ABCB11: variants seen among roughly 807,000 people sequenced by gnomAD.
The protein encoded by ABCB11 is ATP binding cassette subfamily B member 11, also known as bile salt export pump.
In ABCB11, 95 loss-of-function variants were observed where a neutral mutation model predicts 148.0. The ratio of observed to expected loss-of-function variants is 0.64; its 90% CI spans 0.54 to 0.76. The LOEUF (loss-of-function observed/expected upper bound fraction) is 0.76. Among genes scored for constraint, ABCB11 ranks in the 30% least tolerant of loss-of-function variants. The probability of loss-of-function intolerance (pLI) is 0.00; values close to 1 mark genes in which losing one functional copy is unlikely to be tolerated. For synonymous variants in ABCB11, 591 were observed against 555.4 expected (o/e 1.06, Z -0.90); for missense variants, 1,523 against 1,617.8 (o/e 0.94, Z 1.01).
downstream of ABCB11, among the ~76,000 whole-genome samples, chr2:168,918,548 G>A (rs1455650835): frequency 6.6e-6 from 1 of 152,176 alleles, no homozygotes; most frequent in Non-Finnish European, 1.5e-5. Context: ...TTGATGATCA[G>A]AAATGGTTTT....
chr2:168,968,433 C>T lies in ABCB11; in HGVS notation c.2069G>A (p.Ser690Asn). 2 of 1,610,686 alleles carry T rather than the reference C, an allele frequency of 1.2e-6. No individual in the cohort carries two copies. Among genetic ancestry groups the T allele is most frequent in the Non-Finnish European group, 1.7e-6 (2 of 1,178,252 alleles). The change falls in exon 17 of 28, where the codon AGT becomes AAT. Residue 690 changes from serine (S) to asparagine (N), a missense_variant. By Grantham distance (46) the Ser-to-Asn change is conservative. Coordinates refer to ENST00000650372, the MANE Select transcript of ABCB11 (RefSeq NM_003742.4). Reference protein sequence around the residue: ...RTFSRGSYQDSLRASIRQRSK... With the variant: ...RTFSRGSYQDNLRASIRQRSK... Reference sequence around the variant, plus strand: ...CCCCATGGCTTGAGCTTACCTTAAACTATCCTGGTAGCTCCCTCTGCTAAA... The same window carrying T: ...CCCCATGGCTTGAGCTTACCTTAAATTATCCTGGTAGCTCCCTCTGCTAAA...
At chr2:168,916,578 TTTAAA>T (rs1362512792), downstream of ABCB11, among the ~76,000 whole-genome samples, 8 of 152,368 alleles carry the variant, frequency 5.3e-5, no homozygotes, top group South Asian at 1.7e-3. Flanking sequence ...CAGTCTGCTA[TTTAAA>T]TTAATTGGGC....
chr2:168,920,595 T>G (rs1313317826), downstream of ABCB11, among the ~76,000 whole-genome samples: 2 of 151,808 alleles, frequency 1.3e-5, no homozygotes, highest in East Asian at 3.9e-4. Flanking sequence ...ATAAGGAGAG[T>G]CTGGTCACAA....
chr2:168,973,662 C>A, intron 13 of ABCB11, 53 bp downstream of exon 13: 1 of 1,594,606 alleles, frequency 6.3e-7, no homozygotes, highest in Non-Finnish European at 8.6e-7. Context: ...CAATATACTG[C>A]CATTTGCACT....
At chr2:168,917,561 C>A (rs563694), downstream of ABCB11, among the ~76,000 whole-genome samples, 114,608 of 152,158 alleles carry the variant, frequency 0.75, 44,093 homozygotes, top group East Asian at 0.96. Flanking sequence ...TGATGTAAAG[C>A]ATTTTAACCA....
intron 9 of ABCB11, among the ~76,000 whole-genome samples, chr2:168,987,008 T>C (rs1269659591): frequency 6.6e-6 from 1 of 152,164 alleles, no homozygotes; most frequent in East Asian, 1.9e-4. Context: ...TTTGTTACCA[T>C]TTTTAAAACA....
intron 19 of ABCB11, among the ~76,000 whole-genome samples, chr2:168,956,597 G>T (rs988064093): frequency 2.6e-5 from 4 of 151,580 alleles, no homozygotes; most frequent in African/African-American, 9.7e-5. Flanking sequence ...CAACAGCATG[G>T]CAGGGATCCT....
At chr2:168,956,991 T>C (rs979458915) in intron 19 of ABCB11, among the ~76,000 whole-genome samples, 16 of 151,698 alleles carry the variant, frequency 1.1e-4, no homozygotes, top group African/African-American at 3.6e-4. Context: ...TTTCTGGTGC[T>C]TCCCATCCCT....
chr2:168,993,949 TCA>T, intron 7 of ABCB11, 67 bp from the exon 8 acceptor site: 2 of 1,330,188 alleles, frequency 1.5e-6, no homozygotes, highest in Non-Finnish European at 2.1e-6. Flanking sequence ...GCTGAAAGTC[TCA>T]GTCTTTCCCT....
intron 22 of ABCB11, 28 bp downstream of exon 22, chr2:168,936,202 A>G: frequency 5.0e-6 from 8 of 1,603,858 alleles, no homozygotes; most frequent in Non-Finnish European, 5.1e-6. Context: ...AGCCATGAGG[A>G]ATGGGAAAAT....
Position 168,922,740 on chromosome 2 carries a change from C to T in ABCB11, c.*882G>A, listed in dbSNP as rs924144816. 1.3e-5 allele frequency among the ~76,000 whole-genome samples: 2 copies of T among 152,258 alleles called. No homozygotes were observed. Among genetic ancestry groups the T allele is most frequent in the Non-Finnish European group, 2.9e-5 (2 of 68,014 alleles). On this transcript the variant is annotated 3_prime_UTR_variant, in exon 28 of 28. Coordinates refer to ENST00000650372, the MANE Select transcript of ABCB11 (RefSeq NM_003742.4). Reference sequence around the variant, plus strand: ...TTGAGGGAGCAGGGGCAAATGAGTGCTTTTCTGCCATATTTACTTGCTTTT... The same window carrying T: ...TTGAGGGAGCAGGGGCAAATGAGTGTTTTTCTGCCATATTTACTTGCTTTT...
intron 19 of ABCB11, among the ~76,000 whole-genome samples, chr2:168,945,882 A>G (rs1324957252): frequency 6.6e-6 from 1 of 151,926 alleles, no homozygotes; most frequent in Non-Finnish European, 1.5e-5. Flanking sequence ...AGAGAAAAAA[A>G]TTTCATTCAT....
rs75326891 is a variant in ABCB11 at position 169,026,249 on chromosome 2, T to C, written c.-28+4976A>G. Among the ~76,000 whole-genome samples, 1,181 of 152,324 alleles carry C rather than the reference T, an allele frequency of 7.8e-3. 18 individuals carry two copies. The highest frequency in any genetic ancestry group is 0.027 in the African/African-American group (1,112 of 41,560). On this transcript the variant is annotated intron_variant, in intron 1 of 27. Coordinates refer to ENST00000650372, the MANE Select transcript of ABCB11 (RefSeq NM_003742.4). ...AGGGTGTTCTTTTGTTTGTTTTCTTTGTTTGTTTTCTTTCTCAGCATCAAG... is the reference window on the plus strand; with the variant it reads ...AGGGTGTTCTTTTGTTTGTTTTCTTCGTTTGTTTTCTTTCTCAGCATCAAG...
intron 5 of ABCB11, among the ~76,000 whole-genome samples, chr2:169,005,122 T>C (rs1362225411): frequency 2.6e-5 from 4 of 152,008 alleles, no homozygotes; most frequent in African/African-American, 9.7e-5. Flanking sequence ...GGTTTTATGT[T>C]GGTTGGCCTC....
At chr2:168,990,604 A>T (rs1272642138) in intron 9 of ABCB11, among the ~76,000 whole-genome samples, 197 bp downstream of exon 9, 1 of 152,134 alleles carries the variant, frequency 6.6e-6, no homozygotes, top group African/African-American at 2.4e-5. Context: ...CTTTAAAAAC[A>T]TACTGCTAAA....
At chr2:168,917,717 C>T (rs1434044873), downstream of ABCB11, among the ~76,000 whole-genome samples, 1 of 152,126 alleles carries the variant, frequency 6.6e-6, no homozygotes, top group Non-Finnish European at 1.5e-5. Flanking sequence ...GGACACATTC[C>T]AATGGAGAAG....
intron 15 of ABCB11, among the ~76,000 whole-genome samples, 179 bp downstream of exon 15, chr2:168,969,866 C>G (rs773302176): frequency 6.6e-6 from 1 of 152,046 alleles, no homozygotes; most frequent in Non-Finnish European, 1.5e-5. Context: ...CAACTTTCTT[C>G]TGTTCAACTG....
intron 1 of ABCB11, among the ~76,000 whole-genome samples, chr2:169,027,399 G>A (rs1052482407): frequency 3.3e-5 from 5 of 152,144 alleles, no homozygotes; most frequent in African/African-American, 4.8e-5. Context: ...CACTATATGC[G>A]CTTCTGTTTA....
At chr2:168,991,483 G>A (rs1198506341) in intron 8 of ABCB11, among the ~76,000 whole-genome samples, 3 of 152,014 alleles carry the variant, frequency 2.0e-5, no homozygotes, top group African/African-American at 7.2e-5. Flanking sequence ...GTACTTAACA[G>A]TAGACACATT....
Sources: gnomAD v4.1 joint callset for allele counts (sites outside exome capture counted in the v4.1 genomes callset) on GRCh38, gnomAD v4.1.1 for gene constraint, MANE v1.5 for transcripts, NCBI Gene and HGNC (gene_info 2026-07-23, HGNC 2026-07-21) for gene names.